Variants in EPHX4 observed in about 807,000 individuals in gnomAD.
EPHX4 encodes the protein abhydrolase domain containing 7.
Under a neutral mutation model 44.9 loss-of-function variants are expected in EPHX4, and 31 were observed. That is an observed-to-expected ratio of 0.69 (90% confidence interval 0.52 to 0.93). The LOEUF (loss-of-function observed/expected upper bound fraction) is 0.93, where lower values mean the gene tolerates loss of function less well. Ranked by LOEUF, EPHX4 falls within the 40% of genes least tolerant of loss-of-function variation. EPHX4 has a pLI of 0.00. For synonymous variants in EPHX4, 151 were observed against 159.7 expected (o/e 0.95, Z 0.41); for missense variants, 373 against 438.1 (o/e 0.85, Z 1.33).
rs7552910 is a variant in EPHX4 at position 92,049,896 on chromosome 1, G to T, written c.605-421G>T. Among the ~76,000 whole-genome samples the T allele has an allele frequency of 8.4e-3, 1,284 of 152,020 alleles. 15 individuals are homozygous for T. The highest frequency in any genetic ancestry group is 0.029 in the African/African-American group (1,219 of 41,474). ...GGCAGATCACCTGAGTCAGGAGTTC[G>T]AAACCAGCCTGGCCAACATGGCGAA... On this transcript the variant is annotated intron_variant, in intron 4 of 6. Coordinates refer to ENST00000370383, the MANE Select transcript of EPHX4 (RefSeq NM_173567.5).
chr1:92,030,524 A>G (rs1688345176), intron 1 of EPHX4, among the ~76,000 whole-genome samples: 1 of 130,608 alleles, frequency 7.7e-6, no homozygotes. Context: ...GATAAACAGC[A>G]CTCGGTCTTT....
chr1:92,037,444 A>G (rs889927519), intron 2 of EPHX4, among the ~76,000 whole-genome samples: 6 of 152,116 alleles, frequency 3.9e-5, no homozygotes, highest in Admixed American at 6.5e-5. Context: ...GACTAAATTA[A>G]CCCCAAGTAA....
chr1:92,044,957 C>T (rs890613077), intron 3 of EPHX4, among the ~76,000 whole-genome samples: 4 of 151,978 alleles, frequency 2.6e-5, no homozygotes, highest in African/African-American at 9.7e-5. Flanking sequence ...TACCCCCCCA[C>T]ACTTTTTTTC....
chr1:92,037,278 CAT>C (rs1462244255), intron 2 of EPHX4, among the ~76,000 whole-genome samples: 1 of 152,144 alleles, frequency 6.6e-6, no homozygotes, highest in Admixed American at 6.5e-5. Context: ...GCAAATGTAA[CAT>C]ATTATCGCAT....
At chr1:92,047,959 C>T (rs1388696851) in intron 4 of EPHX4, among the ~76,000 whole-genome samples, 2 of 152,070 alleles carry the variant, frequency 1.3e-5, no homozygotes, top group Non-Finnish European at 2.9e-5. Flanking sequence ...GAACCATGGC[C>T]GGGCACATTT....
rs966446416 is a variant in EPHX4 at position 92,063,391 on chromosome 1, G to A, written c.*105G>A. 19 of 853,886 alleles carry A rather than the reference G, an allele frequency of 2.2e-5. No individual in the cohort carries two copies. The highest frequency in any genetic ancestry group is 3.7e-4 in the Middle Eastern group (1 of 2,736). The allele number at this position is 853,886 out of a possible 1,614,324, so 52.9% of individuals were successfully genotyped here. Reference sequence around the variant, plus strand: ...TTTATTAGAAAAAAACTGTTTTAATGTGCTTTATCATAAATAAATATCCTG... The same window carrying A: ...TTTATTAGAAAAAAACTGTTTTAATATGCTTTATCATAAATAAATATCCTG... On this transcript the variant is annotated 3_prime_UTR_variant, in exon 7 of 7. Coordinates refer to ENST00000370383, the MANE Select transcript of EPHX4 (RefSeq NM_173567.5).
chr1:92,049,938 A>C (rs1466928784), intron 4 of EPHX4, among the ~76,000 whole-genome samples: 1 of 151,982 alleles, frequency 6.6e-6, no homozygotes, highest in Non-Finnish European at 1.5e-5. Context: ...CCTCTACTAA[A>C]AATACAAAAA....
intron 6 of EPHX4, 102 bp from the exon 7 acceptor site, chr1:92,062,953 A>C (rs1268247272): frequency 1.0e-6 from 1 of 999,388 alleles, no homozygotes; most frequent in Admixed American, 2.3e-5. Flanking sequence ...TTTAGAGGCA[A>C]GATTGCTCAC....
At chr1:92,037,685 A>G (rs977132614) in intron 2 of EPHX4, among the ~76,000 whole-genome samples, 3 of 152,218 alleles carry the variant, frequency 2.0e-5, no homozygotes, top group African/African-American at 7.2e-5. Context: ...AAAGAGGAGG[A>G]GGATAGTCTA....
intron 5 of EPHX4, 87 bp from the exon 6 acceptor site, chr1:92,052,423 G>A (rs1647279319): frequency 7.7e-7 from 1 of 1,295,574 alleles, no homozygotes; most frequent in Admixed American, 2.7e-5. Context: ...ACCACACAAT[G>A]ACCACCATCC....
chr1:92,031,001 G>A (rs1244868449), intron 1 of EPHX4, among the ~76,000 whole-genome samples: 1 of 152,154 alleles, frequency 6.6e-6, no homozygotes, highest in African/African-American at 2.4e-5. Flanking sequence ...TCCAGGTGGT[G>A]AAGGGAAATA....
At chr1:92,041,890 A>C (rs1688513420) in intron 2 of EPHX4, among the ~76,000 whole-genome samples, 1 of 152,158 alleles carries the variant, frequency 6.6e-6, no homozygotes, top group Non-Finnish European at 1.5e-5. Flanking sequence ...AAAAGAAAAA[A>C]ATACAAAAAT....
chr1:92,049,381 AC>A (rs1647206325), intron 4 of EPHX4, among the ~76,000 whole-genome samples: 1 of 151,980 alleles, frequency 6.6e-6, no homozygotes, highest in African/African-American at 2.4e-5. Context: ...CCCTACCATC[AC>A]TGTCAATCAG....
intron 6 of EPHX4, among the ~76,000 whole-genome samples, chr1:92,062,351 C>T (rs1057311307): frequency 6.6e-6 from 1 of 151,570 alleles, no homozygotes; most frequent in South Asian, 2.1e-4. Context: ...TTTGGGAGGC[C>T]GAGGCGGGTG....
chr1:92,062,813 C>CT (rs938242172), intron 6 of EPHX4, among the ~76,000 whole-genome samples: 3 of 151,864 alleles, frequency 2.0e-5, no homozygotes, highest in Admixed American at 6.6e-5. Flanking sequence ...CCTTTTTAGA[C>CT]TTTTTTTTCC....
Position 92,042,992 on chromosome 1 carries a change from T to G in EPHX4, c.475+12T>G. 6.3e-7 allele frequency: 1 copy of G among 1,576,026 alleles called. No homozygotes were observed. ...TTTAGATTCTTTAGGTAGGTTAGTT[T>G]GAAACAAAACAACTCTTTTTAAGGG... On this transcript the variant is annotated intron_variant, in intron 3 of 6. Transcript: ENST00000370383.
In EPHX4 at chr1:92,058,896, A is replaced by G. The variant is rs576599354; in HGVS notation, c.858-4159A>G. Among the ~76,000 whole-genome samples the G allele has an allele frequency of 2.0e-5, 3 of 152,288 alleles. No individual in the cohort carries two copies. In the East Asian group the frequency reaches 5.8e-4, roughly 29 times the overall value. On this transcript the variant is annotated intron_variant, in intron 6 of 6. Coordinates refer to ENST00000370383, the MANE Select transcript of EPHX4 (RefSeq NM_173567.5). ...CCATGGGAAACTTTGGAGGGCCTGGAAAGTTCTACTGGTATCTGAGAGAGT... is the reference window on the plus strand; with the variant it reads ...CCATGGGAAACTTTGGAGGGCCTGGGAAGTTCTACTGGTATCTGAGAGAGT...
Position 92,063,119 on chromosome 1 carries a change from G to T in EPHX4, c.922G>T (p.Ala308Ser), listed in dbSNP as rs373441880. The T allele has an allele frequency of 6.2e-7, 1 of 1,614,082 alleles. No homozygotes were observed. Among genetic ancestry groups the T allele is most frequent in the Non-Finnish European group, 8.5e-7 (1 of 1,180,004 alleles). Residue 308 changes from alanine to serine, a missense_variant, in exon 7 of 7, where the codon GCA becomes TCA. Ala to Ser is a moderately conservative substitution (Grantham distance 99). Coordinates refer to ENST00000370383, the MANE Select transcript of EPHX4 (RefSeq NM_173567.5). The part of the protein sequence containing the change: ...PTLLLWGEND[A>S]FMEVEMAEVT... The stretch of plus-strand genomic sequence containing the variant: ...ACTACTACTGTGGGGAGAGAATGAC[G>T]CATTCATGGAGGTTGAGATGGCTGA...
At chr1:92,032,400 T>A (rs1008660123) in intron 1 of EPHX4, 105 bp from the exon 2 acceptor site, 2 of 828,434 alleles carry the variant, frequency 2.4e-6, no homozygotes, top group Admixed American at 4.4e-5. Flanking sequence ...ACAAATGTTT[T>A]AAAATAAGGC....
Sources: allele counts gnomAD v4.1 joint callset (sites outside exome capture counted in the v4.1 genomes callset), GRCh38; gene constraint gnomAD v4.1.1; transcripts MANE v1.5; gene names NCBI Gene and HGNC (gene_info 2026-07-23, HGNC 2026-07-21).